TTBK1: variants seen among roughly 807,000 people sequenced by gnomAD.
TTBK1 encodes the protein tau-tubulin kinase 1.
A neutral mutation model predicts 108.5 loss-of-function variants in TTBK1; 34 were observed. The observed-to-expected ratio is 0.31, with a 90% CI of 0.24 to 0.42. The LOEUF (loss-of-function observed/expected upper bound fraction) is 0.42, where lower values mean the gene tolerates loss of function less well. Among genes scored for constraint, TTBK1 ranks in the 10% least tolerant of loss-of-function variants. The probability of loss-of-function intolerance (pLI) is 1.00; values close to 1 mark genes in which losing one functional copy is unlikely to be tolerated. For missense variants in TTBK1, 1,539 were observed against 1,826.0 expected (o/e 0.84, Z 2.86); for synonymous variants, 809 against 795.1 (o/e 1.02, Z -0.29).
At chr6:43,270,699 C>T in intron 13 of TTBK1, 1 of 985,404 alleles carries the variant, frequency 1.0e-6, no homozygotes, top group South Asian at 4.7e-5. Context: ...CTGTCCTCGG[C>T]TCCTCAGGAA....
rs1356444393 is a variant in TTBK1, at chr6:43,243,752, T to C, written c.-55+44T>C. 6 of 151,414 alleles carry C rather than the reference T, an allele frequency of 4.0e-5. No homozygotes were observed. Among genetic ancestry groups the C allele is most frequent in the Non-Finnish European group, 1.5e-5 (1 of 67,432 alleles). The allele number at this position is 151,414 out of a possible 1,614,324, so 9.4% of individuals were successfully genotyped here. ...GGCCGGGGTCGGGGCGGGGGCTCCT[T>C]CGTGGGCTCAGGGGGCTCCGCCTGG... On this transcript the variant is annotated intron_variant, in intron 1 of 14. Coordinates refer to ENST00000259750, the MANE Select transcript of TTBK1 (RefSeq NM_032538.3). The surrounding 1 kb of genome is among the most constrained non-coding windows in gnomAD (Gnocchi z 5.5).
chr6:43,264,635 G>A (rs1366380614), intron 13 of TTBK1, among the ~76,000 whole-genome samples: 1 of 152,150 alleles, frequency 6.6e-6, no homozygotes, highest in Non-Finnish European at 1.5e-5. Flanking sequence ...CATGATGAGT[G>A]AGAGGGAGAG....
chr6:43,261,046 G>T (rs998453150), intron 12 of TTBK1, among the ~76,000 whole-genome samples: 2 of 152,166 alleles, frequency 1.3e-5, no homozygotes, highest in South Asian at 2.1e-4. Context: ...GAAAGGAAAT[G>T]ATATCAGCCA....
intron 6 of TTBK1, among the ~76,000 whole-genome samples, 163 bp from the exon 7 acceptor site, chr6:43,254,886 G>C (rs959455937): frequency 6.6e-6 from 1 of 152,062 alleles, no homozygotes; most frequent in African/African-American, 2.4e-5. Context: ...TGGGCAGGGA[G>C]CAGGGTCAGC....
chr6:43,274,768 G>A (rs1192078542), intron 13 of TTBK1, among the ~76,000 whole-genome samples: 3 of 152,088 alleles, frequency 2.0e-5, no homozygotes, highest in Non-Finnish European at 4.4e-5. Flanking sequence ...AAGGGCTCCA[G>A]GTCTGAGGGC....
intron 13 of TTBK1, chr6:43,271,565 C>A: frequency 1.0e-6 from 1 of 985,288 alleles, no homozygotes; most frequent in African/African-American, 1.7e-5. Flanking sequence ...CCCATCAATT[C>A]CCCAGATGTC....
At chr6:43,248,708 G>A (rs2150681402) in intron 2 of TTBK1, among the ~76,000 whole-genome samples, 1 of 152,238 alleles carries the variant, frequency 6.6e-6, no homozygotes, top group South Asian at 2.1e-4. Context: ...GGGCGACAGA[G>A]CAAGACTCCT....
intron 14 of TTBK1, 81 bp from the exon 15 acceptor site, chr6:43,284,902 T>G: frequency 7.0e-7 from 1 of 1,434,030 alleles, no homozygotes; most frequent in Non-Finnish European, 9.1e-7. Context: ...CAGTGCTCAG[T>G]GCCCAGGAGG....
At position 43,283,032 on chromosome 6, in the gene TTBK1, G is replaced by C. The variant is rs764504416; in HGVS notation, c.2292G>C (p.Glu764Asp). The C allele has an allele frequency of 6.3e-7, 1 of 1,590,472 alleles. No individual in the cohort carries two copies. The highest frequency in any genetic ancestry group is 2.3e-5 in the East Asian group (1 of 43,932). ...AGGAAGAGGAGGAGGAAGAAGAGGA[G>C]GAGGAGGAAGAGGAGGAGGAGGCTG... is the stretch of plus-strand genomic sequence containing the variant. ...EEEEEEEEEEEEEEEEEEAAA... is the reference protein window; with the variant it reads ...EEEEEEEEEEDEEEEEEEAAA... The change falls in exon 14 of 15, where the codon GAG becomes GAC. Residue 764 changes from glutamate (E) to aspartate (D), a missense_variant. Physicochemically the swap from Glu to Asp is conservative, Grantham distance 45. This residue lies in a region of TTBK1 where 1,055 missense variants were observed against 1,086.5 expected (regional missense o/e 0.97). Transcript: ENST00000259750. The surrounding 1 kb of genome is among the most constrained non-coding windows in gnomAD (Gnocchi z 8.1).
intron 13 of TTBK1, chr6:43,270,046 T>G (rs1268948253): frequency 2.1e-6 from 3 of 1,418,654 alleles, no homozygotes; most frequent in Admixed American, 3.0e-5. Flanking sequence ...AATCACACAC[T>G]CACACATCCC....
chr6:43,259,682 G>A lies in TTBK1; in HGVS notation c.1400G>A (p.Gly467Glu). 1 of 1,597,898 alleles carries A rather than the reference G, an allele frequency of 6.3e-7. No individual in the cohort carries two copies. The highest frequency in any genetic ancestry group is 8.5e-7 in the Non-Finnish European group (1 of 1,172,782). Reference sequence around the variant, plus strand: ...TCAGAAAGGCTGTCCACGGCGGACGGGCGAGTGGAGCTACCTGAGAGGAGG... The same window carrying A: ...TCAGAAAGGCTGTCCACGGCGGACGAGCGAGTGGAGCTACCTGAGAGGAGG... ...PESERLSTAD[G>E]RVELPERRSR... The change falls in exon 12 of 15, where the codon GGG becomes GAG. Residue 467 changes from glycine (G) to glutamate (E), a missense_variant. Physicochemically the swap from Gly to Glu is moderately conservative, Grantham distance 98. Coordinates refer to ENST00000259750, the MANE Select transcript of TTBK1 (RefSeq NM_032538.3). This position sits in a 1 kb window ranked among gnomAD's most constrained non-coding sequence, Gnocchi z 6.7.
chr6:43,260,815 G>T (rs1182275947), intron 12 of TTBK1, among the ~76,000 whole-genome samples: 1 of 152,118 alleles, frequency 6.6e-6, no homozygotes, highest in Non-Finnish European at 1.5e-5. Flanking sequence ...ACAGCAGAGG[G>T]TCTGGATGGG....
chr6:43,272,049 G>C (rs1469122646), intron 13 of TTBK1: 1 of 985,372 alleles, frequency 1.0e-6, no homozygotes, highest in African/African-American at 1.7e-5. Context: ...GGGTGAGGCT[G>C]AACAGTGGCC....
At chr6:43,249,415 G>T (rs1777180993) in intron 2 of TTBK1, among the ~76,000 whole-genome samples, 2 of 152,050 alleles carry the variant, frequency 1.3e-5, no homozygotes, top group African/African-American at 4.8e-5. Flanking sequence ...ACTGGACTAT[G>T]GGCAGGGCCA....
At chr6:43,258,313 C>T (rs1582486139) in intron 10 of TTBK1, among the ~76,000 whole-genome samples, 1 of 152,150 alleles carries the variant, frequency 6.6e-6, no homozygotes, top group East Asian at 1.9e-4. Context: ...ACAGCTCCTG[C>T]CCCCAAAGCA....
chr6:43,270,052 A>G lies in TTBK1; in HGVS notation c.1986+6702A>G, dbSNP rs1777786591. On this transcript the variant is annotated intron_variant, in intron 13 of 14. Coordinates refer to ENST00000259750, the MANE Select transcript of TTBK1 (RefSeq NM_032538.3). ...GGACGCAATAATCACACACTCACAC[A>G]TCCCATCCCACCCCATCATGCAATA... The G allele has an allele frequency of 2.0e-5, 29 of 1,415,960 alleles. No individual in the cohort carries two copies. In the South Asian group the frequency reaches 4.3e-4, roughly 21 times the overall value. The allele number at this position is 1,415,960 out of a possible 1,614,324, so 87.7% of individuals were successfully genotyped here. A position where few individuals can be genotyped will look rare whatever the true frequency, so the allele number is the denominator to read the frequency against.
Position 43,257,640 on chromosome 6 carries a change from G to A in TTBK1, c.862-172G>A, listed in dbSNP as rs924448521. On this transcript the variant is annotated intron_variant, in intron 9 of 14. Transcript: ENST00000259750. The surrounding 1 kb of genome is among the most constrained non-coding windows in gnomAD (Gnocchi z 4.5). Reference sequence around the variant, plus strand: ...ATTTGCATGTTGATTTGCATATCATGTGCATGTTTTCATTTAAAATCAATG... The same window carrying A: ...ATTTGCATGTTGATTTGCATATCATATGCATGTTTTCATTTAAAATCAATG... Among the ~76,000 whole-genome samples, 3 of 152,118 alleles carry A rather than the reference G, an allele frequency of 2.0e-5. No individual in the cohort carries two copies.
Position 43,270,119 on chromosome 6 carries a change from C to G in TTBK1, c.1986+6769C>G, listed in dbSNP as rs1777788311. 2.2e-6 allele frequency: 3 copies of G among 1,377,696 alleles called. No homozygotes were observed. The African/African-American group carries it at 4.5e-5, about 21-fold the overall frequency. The allele number at this position is 1,377,696 out of a possible 1,614,324, so 85.3% of individuals were successfully genotyped here. A position where few individuals can be genotyped will look rare whatever the true frequency, so the allele number is the denominator to read the frequency against. On this transcript the variant is annotated intron_variant, in intron 13 of 14. Coordinates refer to ENST00000259750, the MANE Select transcript of TTBK1 (RefSeq NM_032538.3). ...TTGGCCCAAGGTACTGTAATACTCC[C>G]ACCCCAAGCAGAGTCTCCGTCCCAC... is the stretch of plus-strand genomic sequence containing the variant.
intron 13 of TTBK1, chr6:43,271,388 A>G (rs1312490927): frequency 7.1e-6 from 7 of 985,310 alleles, no homozygotes; most frequent in Non-Finnish European, 8.4e-6. Context: ...ATAGACCTCA[A>G]TGTGACTGGC....
Sources: allele counts gnomAD v4.1 joint callset (sites outside exome capture counted in the v4.1 genomes callset), GRCh38; gene constraint gnomAD v4.1.1; regional missense constraint gnomAD v4.1.1; non-coding constraint Gnocchi (gnomAD v3.1); transcripts MANE v1.5; gene names NCBI Gene and HGNC (gene_info 2026-07-23, HGNC 2026-07-21).